MLLT3: variants seen among roughly 807,000 people sequenced by gnomAD.
MLLT3 encodes MLLT3 super elongation complex subunit.
In MLLT3, 4 loss-of-function variants were observed where a neutral mutation model predicts 53.2. The observed-to-expected ratio is 0.08, with a 90% CI of 0.04 to 0.17. MLLT3 has a LOEUF of 0.17. MLLT3 is among the 10% of genes least tolerant of loss of function. The probability of loss-of-function intolerance (pLI) is 1.00; values close to 1 mark genes in which losing one functional copy is unlikely to be tolerated. For synonymous variants in MLLT3, 283 were observed against 230.6 expected (o/e 1.23, Z -2.06); for missense variants, 569 against 684.0 (o/e 0.83, Z 1.87).
chr9:20,451,301 T>C (rs1049234826), intron 3 of MLLT3, among the ~76,000 whole-genome samples: 5 of 152,176 alleles, frequency 3.3e-5, no homozygotes, highest in African/African-American at 7.2e-5. Flanking sequence ...CTAAGTTCTA[T>C]TCCATATACT....
chr9:20,427,759 A>T (rs1478121715), intron 4 of MLLT3, among the ~76,000 whole-genome samples: 1 of 152,038 alleles, frequency 6.6e-6, no homozygotes, highest in Non-Finnish European at 1.5e-5. Flanking sequence ...TAGAGGCTTG[A>T]CTGGGAGCCA....
chr9:20,410,062 T>C (rs1212344836), intron 5 of MLLT3, among the ~76,000 whole-genome samples: 1 of 152,190 alleles, frequency 6.6e-6, no homozygotes, highest in African/African-American at 2.4e-5. Flanking sequence ...ACTTTTTATC[T>C]TGTATTTTTA....
In MLLT3 at chr9:20,448,311, T is replaced by C. The variant is rs758189969; in HGVS notation, c.277-45A>G. ...ATGAAAGAAAAAAGAGAGTGAGGCA[T>C]AAGTGAAATTTTAAAAGCAAAAATT... On this transcript the variant is annotated intron_variant, in intron 3 of 10. Transcript: ENST00000380338. The surrounding 1 kb of genome is among the most constrained non-coding windows in gnomAD (Gnocchi z 4.0). 2 of 1,587,312 alleles carry C rather than the reference T, an allele frequency of 1.3e-6. No individual in the cohort carries two copies. The highest frequency in any genetic ancestry group is 1.7e-6 in the Non-Finnish European group (2 of 1,167,148).
intron 2 of MLLT3, among the ~76,000 whole-genome samples, chr9:20,552,370 T>A (rs1209940418): frequency 6.6e-6 from 1 of 152,194 alleles, no homozygotes; most frequent in Admixed American, 6.5e-5. Flanking sequence ...CCATCTACCC[T>A]TTTAATTTCC....
chr9:20,350,434 A>T (rs1563931870), intron 10 of MLLT3, among the ~76,000 whole-genome samples: 1 of 151,588 alleles, frequency 6.6e-6, no homozygotes, highest in Non-Finnish European at 1.5e-5. Context: ...TCTCTACTAA[A>T]AATACAAAAA....
At chr9:20,548,131 G>C (rs947201079) in intron 2 of MLLT3, among the ~76,000 whole-genome samples, 1 of 152,124 alleles carries the variant, frequency 6.6e-6, no homozygotes, top group African/African-American at 2.4e-5. Flanking sequence ...TCCATTAATT[G>C]AATCAAGCCT....
chr9:20,555,435 C>G (rs1412502226), intron 2 of MLLT3, among the ~76,000 whole-genome samples: 3 of 152,108 alleles, frequency 2.0e-5, no homozygotes, highest in African/African-American at 7.2e-5. Context: ...GCGTGAGCCA[C>G]CAGACCCAGG....
intron 2 of MLLT3, among the ~76,000 whole-genome samples, chr9:20,567,120 A>G (rs767727370): frequency 4.6e-5 from 7 of 151,602 alleles, no homozygotes; most frequent in Non-Finnish European, 8.8e-5. Flanking sequence ...CATTTTAGAA[A>G]AAATGCAGAA....
intron 2 of MLLT3, among the ~76,000 whole-genome samples, chr9:20,568,331 T>G (rs1018517530): frequency 6.6e-6 from 1 of 152,150 alleles, no homozygotes; most frequent in Non-Finnish European, 1.5e-5. Flanking sequence ...TTCTGAATAT[T>G]TTTAAATTTC....
chr9:20,620,721 A>G lies in MLLT3; in HGVS notation c.126T>C (p.Ser42=). The G allele has an allele frequency of 1.2e-6, 2 of 1,614,162 alleles. No homozygotes were observed. The highest frequency in any genetic ancestry group is 1.1e-5 in the South Asian group (1 of 91,080). The change falls in exon 2 of 11, where the codon AGT becomes AGC. Residue 42 remains serine (S), a synonymous_variant. Transcript: ENST00000380338. This position sits in a 1 kb window ranked among gnomAD's most constrained non-coding sequence, Gnocchi z 6.1. ...CTTTCTCCACAAAGTGCTGTATGTT[A>G]CTGTGCTCCGGACCGCGTACGAACA... ...WMVFVRGPEH[S]NIQHFVEKVV... is the part of the protein sequence containing the mutation.
intron 2 of MLLT3, among the ~76,000 whole-genome samples, chr9:20,598,306 T>C (rs1388990697): frequency 6.6e-6 from 1 of 152,244 alleles, no homozygotes; most frequent in African/African-American, 2.4e-5. Context: ...AAAACTCCGT[T>C]CCTACCAAAC....
At chr9:20,401,614 G>A (rs1272498396) in intron 5 of MLLT3, among the ~76,000 whole-genome samples, 1 of 152,142 alleles carries the variant, frequency 6.6e-6, no homozygotes, top group Non-Finnish European at 1.5e-5. Context: ...CCAAGTTCCA[G>A]TTCCAGGCAA....
At chr9:20,536,850 G>GAAA (rs533826972) in intron 2 of MLLT3, among the ~76,000 whole-genome samples, 2 of 117,904 alleles carry the variant, frequency 1.7e-5, no homozygotes, top group Non-Finnish European at 3.6e-5. Context: ...TGTTTAACTA[G>GAAA]AAAAAAAAAA....
At position 20,621,196 on chromosome 9, in the gene MLLT3, T is replaced by A. The variant is rs1447919413; in HGVS notation, c.13-362A>T. ...AAATCAGAAGGCGATGCCGGGGCGG[T>A]TTCCCGGCGTGGGAGGGGAGGTGGC... On this transcript the variant is annotated intron_variant, in intron 1 of 10. Transcript: ENST00000380338. This position sits in a 1 kb window ranked among gnomAD's most constrained non-coding sequence, Gnocchi z 7.0. Among the ~76,000 whole-genome samples the A allele has an allele frequency of 6.6e-6, 1 of 151,988 alleles. No homozygotes were observed. The highest frequency in any genetic ancestry group is 1.5e-5 in the Non-Finnish European group (1 of 67,990).
At chr9:20,553,997 T>C (rs776681391) in intron 2 of MLLT3, among the ~76,000 whole-genome samples, 4 of 152,186 alleles carry the variant, frequency 2.6e-5, no homozygotes, top group African/African-American at 7.2e-5. Context: ...TCAATTGTAA[T>C]GGTCCAGCAG....
At chr9:20,443,709 AT>A (rs1176536051) in intron 4 of MLLT3, among the ~76,000 whole-genome samples, 1 of 152,322 alleles carries the variant, frequency 6.6e-6, no homozygotes, top group Non-Finnish European at 1.5e-5. Flanking sequence ...TGATATAAAG[AT>A]GGTTAAGCAT....
At chr9:20,584,686 A>C (rs1052074918) in intron 2 of MLLT3, among the ~76,000 whole-genome samples, 12 of 152,170 alleles carry the variant, frequency 7.9e-5, no homozygotes, top group South Asian at 2.1e-4. Flanking sequence ...AGAATAGCAC[A>C]AGAAAGACCA....
At chr9:20,496,162 C>T (rs531708748) in intron 2 of MLLT3, among the ~76,000 whole-genome samples, 19 of 152,326 alleles carry the variant, frequency 1.2e-4, no homozygotes, top group Non-Finnish European at 2.8e-4. Context: ...AACTTTATCC[C>T]TCTACAATCA....
intron 2 of MLLT3, among the ~76,000 whole-genome samples, chr9:20,464,151 C>A (rs1239824358): frequency 6.6e-6 from 1 of 150,858 alleles, no homozygotes; most frequent in Admixed American, 6.6e-5. Context: ...CTGGCCGAGC[C>A]ATTGCTAAAA....
Sources: allele counts gnomAD v4.1 joint callset (sites outside exome capture counted in the v4.1 genomes callset), GRCh38; gene constraint gnomAD v4.1.1; non-coding constraint Gnocchi (gnomAD v3.1); transcripts MANE v1.5; gene names NCBI Gene and HGNC (gene_info 2026-07-23, HGNC 2026-07-21).